Variants in NFIB observed in about 807,000 individuals in gnomAD.
The protein encoded by NFIB is nuclear factor 1 B-type.
Under a neutral mutation model 61.5 loss-of-function variants are expected in NFIB, and 11 were observed. The observed-to-expected ratio is 0.18, with a 90% CI of 0.11 to 0.30. NFIB has a LOEUF of 0.30. NFIB is among the 10% of genes least tolerant of loss of function. The pLI is 1.00. For synonymous variants in NFIB, 260 were observed against 216.5 expected (o/e 1.20, Z -1.76); for missense variants, 471 against 608.9 (o/e 0.77, Z 2.38).
chr9:14,458,608 C>T, the NFIB span, among the ~76,000 whole-genome samples: 1 of 152,174 alleles, frequency 6.6e-6, no homozygotes, highest in Non-Finnish European at 1.5e-5. Context: ...GATTGTATAT[C>T]TAGAAGACCC....
intron 10 of NFIB, among the ~76,000 whole-genome samples, chr9:14,089,270 G>A (rs559335479): frequency 6.6e-6 from 1 of 151,756 alleles, no homozygotes; most frequent in Non-Finnish European, 1.5e-5. Context: ...ATAGATGGCG[G>A]GTTGGGGGTT....
chr9:14,528,473 T>C, the NFIB span, among the ~76,000 whole-genome samples: 2 of 152,158 alleles, frequency 1.3e-5, no homozygotes, highest in Non-Finnish European at 2.9e-5. Flanking sequence ...CTAGTGTTTG[T>C]GCTTATATGC....
At chr9:14,390,574 G>T (rs2061607808) in intron 1 of NFIB, among the ~76,000 whole-genome samples, 1 of 152,218 alleles carries the variant, frequency 6.6e-6, no homozygotes, top group African/African-American at 2.4e-5. Context: ...GAATTTTTGT[G>T]TCCTCCCAAA....
intron 1 of NFIB, among the ~76,000 whole-genome samples, chr9:14,370,126 C>G (rs189327364): frequency 1.3e-5 from 2 of 152,354 alleles, no homozygotes; most frequent in East Asian, 3.9e-4. Context: ...GCAGCTTTCT[C>G]TGCCTAGAAT....
intron 10 of NFIB, among the ~76,000 whole-genome samples, chr9:14,089,835 T>C (rs2033579533): frequency 6.6e-6 from 1 of 152,194 alleles, no homozygotes; most frequent in Non-Finnish European, 1.5e-5. Context: ...TAAAACTTGA[T>C]ACATACTGTT....
intron 2 of NFIB, among the ~76,000 whole-genome samples, chr9:14,303,547 T>G (rs1340155574): frequency 6.6e-6 from 1 of 152,142 alleles, no homozygotes; most frequent in Non-Finnish European, 1.5e-5. Flanking sequence ...AGACAAAACC[T>G]AAAAAAAGGA....
At chr9:14,478,819 T>C in the NFIB span, among the ~76,000 whole-genome samples, 10 of 152,224 alleles carry the variant, frequency 6.6e-5, no homozygotes, top group Non-Finnish European at 1.2e-4. Context: ...GAGTGATTGC[T>C]GCAGGAAAAG....
intron 10 of NFIB, 50 bp from the exon 11 acceptor site, chr9:14,088,376 C>T: frequency 1.4e-6 from 2 of 1,464,044 alleles, no homozygotes; most frequent in Admixed American, 2.2e-5. Flanking sequence ...GAAAAAAATA[C>T]AATGTTAAAA....
chr9:14,240,937 A>C (rs1369027910), intron 2 of NFIB, among the ~76,000 whole-genome samples: 1 of 152,234 alleles, frequency 6.6e-6, no homozygotes, highest in Non-Finnish European at 1.5e-5. Context: ...GCCAGGACCA[A>C]CTAAACTGTA....
chr9:14,271,898 T>C (rs2057651603), intron 2 of NFIB, among the ~76,000 whole-genome samples: 1 of 152,138 alleles, frequency 6.6e-6, no homozygotes, highest in Non-Finnish European at 1.5e-5. Context: ...AGAATTTTTG[T>C]CCCTAGGTAC....
intron 1 of NFIB, among the ~76,000 whole-genome samples, chr9:14,358,539 C>T (rs1227480782): frequency 1.3e-5 from 2 of 152,138 alleles, no homozygotes; most frequent in Admixed American, 1.3e-4. Context: ...AGCCTGAAAT[C>T]ATTAAAATAT....
At chr9:14,214,846 G>C (rs980321497) in intron 2 of NFIB, among the ~76,000 whole-genome samples, 1 of 152,150 alleles carries the variant, frequency 6.6e-6, no homozygotes, top group Non-Finnish European at 1.5e-5. Context: ...ACAGGAAGGA[G>C]GCACACACAG....
intron 1 of NFIB, among the ~76,000 whole-genome samples, chr9:14,377,105 G>C (rs1588392376): frequency 6.6e-6 from 1 of 152,114 alleles, no homozygotes; most frequent in African/African-American, 2.4e-5. Flanking sequence ...GGGTATTATT[G>C]AAGAGATATA....
chr9:14,396,168 GT>G (rs1010988320), intron 1 of NFIB, among the ~76,000 whole-genome samples: 4 of 151,874 alleles, frequency 2.6e-5, no homozygotes, highest in African/African-American at 9.7e-5. Flanking sequence ...GTTGGTTTAT[GT>G]TTTTTTCACC....
the NFIB span, among the ~76,000 whole-genome samples, chr9:14,466,444 G>A: frequency 5.3e-5 from 8 of 152,088 alleles, no homozygotes; most frequent in African/African-American, 1.7e-4. Context: ...ACTCTGGATC[G>A]CACCATCCTC....
the NFIB span, among the ~76,000 whole-genome samples, chr9:14,508,613 G>T: frequency 2.3e-3 from 343 of 152,332 alleles, 1 homozygote; most frequent in Non-Finnish European, 4.0e-3. Context: ...CTATCACCAG[G>T]GAGTGGAAAT....
At chr9:14,430,364 G>GAA in the NFIB span, among the ~76,000 whole-genome samples, 6 of 143,448 alleles carry the variant, frequency 4.2e-5, no homozygotes, top group South Asian at 2.2e-4. Context: ...AGGAAGAAAA[G>GAA]AAAAAAAAAA....
At chr9:14,380,487 G>A (rs527671521) in intron 1 of NFIB, among the ~76,000 whole-genome samples, 2 of 152,110 alleles carry the variant, frequency 1.3e-5, no homozygotes, top group African/African-American at 4.8e-5. Flanking sequence ...CATCAATTCC[G>A]AATTTATCCA....
intron 2 of NFIB, among the ~76,000 whole-genome samples, chr9:14,303,570 T>C (rs1398099293): frequency 1.3e-5 from 2 of 152,222 alleles, no homozygotes; most frequent in Non-Finnish European, 2.9e-5. Context: ...AGTTTTATAT[T>C]AGCTAAGATT....
Sources: gnomAD v4.1 joint callset for allele counts (sites outside exome capture counted in the v4.1 genomes callset) on GRCh38, gnomAD v4.1.1 for gene constraint, MANE v1.5 for transcripts, NCBI Gene and HGNC (gene_info 2026-07-23, HGNC 2026-07-21) for gene names.